Variants in CACNA2D3 observed in about 807,000 individuals in gnomAD.
CACNA2D3 encodes the protein voltage-dependent calcium channel subunit alpha-2/delta-3.
In CACNA2D3, 60 loss-of-function variants were observed where a neutral mutation model predicts 160.6. The observed-to-expected ratio is 0.37, with a 90% confidence interval of 0.30 to 0.46. The LOEUF (loss-of-function observed/expected upper bound fraction) is 0.46. CACNA2D3 is among the 20% of genes least tolerant of loss of function. The pLI is 1.00. For synonymous variants in CACNA2D3, 558 were observed against 492.9 expected (o/e 1.13, Z -1.75); for missense variants, 1,205 against 1,365.0 (o/e 0.88, Z 1.85).
rs1701514491 is a variant in CACNA2D3 at position 54,736,089 on chromosome 3, G to GTA, written c.1168-16501_1168-16500dup. Among the ~76,000 whole-genome samples the GTA allele has an allele frequency of 1.9e-4, 7 of 37,704 alleles. 2 individuals carry two copies. The highest frequency in any genetic ancestry group is 5.1e-4 in the East Asian group (1 of 1,958). The allele number at this position is 37,704 out of a possible 152,430, so 24.7% of individuals were successfully genotyped here. On this transcript the variant is annotated intron_variant, in intron 11 of 37. Transcript: ENST00000474759. ...TATATATATACATATATATGTATGT[G>GTA]TATATATATACATATATATGTATAT...
chr3:55,054,025 G>C (rs563564477), intron 35 of CACNA2D3, among the ~76,000 whole-genome samples: 14 of 149,964 alleles, frequency 9.3e-5, no homozygotes, highest in Admixed American at 9.3e-4. Flanking sequence ...TTTTTTTCCT[G>C]CTATTGGCTT....
chr3:54,888,006 G>A lies in CACNA2D3; in HGVS notation c.2104G>A (p.Ala702Thr), dbSNP rs1235716451. The change falls in exon 24 of 38, where the codon GCC becomes ACC. Residue 702 changes from alanine to threonine, a missense_variant. By Grantham distance (58) the Ala-to-Thr change is moderately conservative. Around this residue, in one of 3 missense-constraint regions of CACNA2D3, gnomAD observed 911 missense variants for 1,002.2 expected, o/e 0.91. Coordinates refer to ENST00000474759, the MANE Select transcript of CACNA2D3 (RefSeq NM_018398.3). ...QEVLFDAVVS[A>T]PIEAYWTSLA... is the part of the protein sequence containing the mutation. ...AGTCCTTTTTGACGCGGTGGTGAGT[G>A]CCCCCATTGAAGCGTATTGGACCAG... 6.2e-7 allele frequency: 1 copy of A among 1,613,906 alleles called. No homozygotes were observed. Among genetic ancestry groups the A allele is most frequent in the Admixed American group, 1.7e-5 (1 of 60,022 alleles).
chr3:54,285,242 T>C (rs1702983544), intron 2 of CACNA2D3, among the ~76,000 whole-genome samples: 1 of 152,164 alleles, frequency 6.6e-6, no homozygotes, highest in Admixed American at 6.5e-5. Flanking sequence ...AATACTGTGC[T>C]TTTCCAACGG....
intron 31 of CACNA2D3, among the ~76,000 whole-genome samples, chr3:55,001,847 C>G (rs4955826): frequency 6.6e-6 from 1 of 152,004 alleles, no homozygotes; most frequent in African/African-American, 2.4e-5. Context: ...TTGAAGAGTA[C>G]CAGCAAGCTG....
intron 27 of CACNA2D3, among the ~76,000 whole-genome samples, chr3:54,919,336 T>C (rs1313565000): frequency 1.3e-5 from 2 of 152,218 alleles, no homozygotes; most frequent in Admixed American, 1.3e-4. Context: ...TGCATTGTTG[T>C]GATGTTATGT....
At chr3:54,737,762 T>G (rs1701562838) in intron 11 of CACNA2D3, among the ~76,000 whole-genome samples, 1 of 152,166 alleles carries the variant, frequency 6.6e-6, no homozygotes, top group African/African-American at 2.4e-5. Flanking sequence ...CCTCCTGGGT[T>G]CAAGCGATTC....
chr3:54,887,945 G>A lies in CACNA2D3; in HGVS notation c.2057-14G>A. ...GCCCTGCTGAAGCATCCTCTTGTCT[G>A]TCCCTCCCAACAGGTGATAAAGAAT... On this transcript the variant is annotated splice_polypyrimidine_tract_variant and intron_variant, in intron 23 of 37. Coordinates refer to ENST00000474759, the MANE Select transcript of CACNA2D3 (RefSeq NM_018398.3). 2 of 1,609,558 alleles carry A rather than the reference G, an allele frequency of 1.2e-6. No individual in the cohort carries two copies. The highest frequency in any genetic ancestry group is 1.3e-5 in the African/African-American group (1 of 74,914).
At chr3:54,834,373 A>C (rs1453328600) in intron 14 of CACNA2D3, among the ~76,000 whole-genome samples, 1 of 152,224 alleles carries the variant, frequency 6.6e-6, no homozygotes, top group Non-Finnish European at 1.5e-5. Flanking sequence ...AAGGAGTCAG[A>C]ATATGGGAAG....
rs1370001276 is a variant in CACNA2D3 at position 54,122,708 on chromosome 3, C to T, written c.-6C>T. 21 of 1,175,638 alleles carry T rather than the reference C, an allele frequency of 1.8e-5. No homozygotes were observed. The highest frequency in any genetic ancestry group is 2.2e-5 in the Non-Finnish European group (21 of 952,144). 72.8% of individuals were successfully genotyped at this position (1,175,638 alleles called of 1,614,324 possible). ...GCCGCAGCGGGCGCGTCGGAGGGAG[C>T]CCAGCATGGCCGGGCCGGGCTCGCC... On this transcript the variant is annotated 5_prime_UTR_variant, in exon 1 of 38. Transcript: ENST00000474759.
At chr3:54,433,200 T>C (rs1460935701) in intron 4 of CACNA2D3, among the ~76,000 whole-genome samples, 1 of 152,168 alleles carries the variant, frequency 6.6e-6, no homozygotes, top group East Asian at 1.9e-4. Context: ...TTATTGCAGC[T>C]ATGACTGGAG....
chr3:54,525,571 T>TA (rs896592331), intron 5 of CACNA2D3, among the ~76,000 whole-genome samples: 2 of 152,158 alleles, frequency 1.3e-5, no homozygotes, highest in African/African-American at 2.4e-5. Flanking sequence ...TATTCATTTT[T>TA]AAAAAATAGC....
intron 24 of CACNA2D3, among the ~76,000 whole-genome samples, 158 bp downstream of exon 24, chr3:54,888,210 G>A (rs193068183): frequency 6.6e-5 from 10 of 152,194 alleles, no homozygotes; most frequent in Non-Finnish European, 1.0e-4. Flanking sequence ...GCAGATTAGC[G>A]GCTCGGGCTT....
Position 54,986,657 on chromosome 3 carries a change from A to G in CACNA2D3, c.2620-1026A>G, listed in dbSNP as rs1013641059. On this transcript the variant is annotated intron_variant, in intron 30 of 37. Transcript: ENST00000474759. ...GGTTGAGGTCACTCAGTTAGTTGCA[A>G]TGGAATTGGGGTTTAGTTAATACAA... Among the ~76,000 whole-genome samples the G allele has an allele frequency of 1.4e-4, 21 of 152,264 alleles. No individual in the cohort carries two copies. The South Asian group carries it at 2.3e-3, about 17-fold the overall frequency.
chr3:55,023,150 T>G (rs1012596453), intron 35 of CACNA2D3, among the ~76,000 whole-genome samples: 1 of 152,156 alleles, frequency 6.6e-6, no homozygotes, highest in African/African-American at 2.4e-5. Flanking sequence ...TTAAAATATT[T>G]TGAAGATATT....
At chr3:54,931,129 C>G (rs902257569) in intron 27 of CACNA2D3, among the ~76,000 whole-genome samples, 1 of 152,162 alleles carries the variant, frequency 6.6e-6, no homozygotes, top group Non-Finnish European at 1.5e-5. Flanking sequence ...GCATCTCTTA[C>G]TAGCAGCATG....
intron 25 of CACNA2D3, among the ~76,000 whole-genome samples, chr3:54,895,166 G>C (rs1249835617): frequency 6.6e-6 from 1 of 152,144 alleles, no homozygotes; most frequent in African/African-American, 2.4e-5. Context: ...TATGAAGACG[G>C]CCATAGAAAG....
chr3:54,835,743 G>A (rs1226728049), intron 14 of CACNA2D3, among the ~76,000 whole-genome samples: 1 of 152,188 alleles, frequency 6.6e-6, no homozygotes, highest in African/African-American at 2.4e-5. Context: ...AACAGGCTAC[G>A]AAGCCAGAAG....
chr3:54,372,781 C>A (rs1018657341), intron 3 of CACNA2D3, among the ~76,000 whole-genome samples: 4 of 152,202 alleles, frequency 2.6e-5, no homozygotes, highest in African/African-American at 9.6e-5. Flanking sequence ...AGTTCATTAC[C>A]TGGGCATTAA....
At chr3:54,515,199 T>TGA (rs778355205) in intron 5 of CACNA2D3, among the ~76,000 whole-genome samples, 42,251 of 142,590 alleles carry the variant, frequency 0.3, 6,003 homozygotes, top group East Asian at 0.41. Context: ...TGTGTGTGTG[T>TGA]GAGAGAGAGA....
Sources: gnomAD v4.1 joint callset for allele counts (sites outside exome capture counted in the v4.1 genomes callset) on GRCh38, gnomAD v4.1.1 for gene constraint, gnomAD v4.1.1 regional missense constraint, MANE v1.5 for transcripts, NCBI Gene and HGNC (gene_info 2026-07-23, HGNC 2026-07-21) for gene names.